The following MAZ variants were observed in gnomAD, a reference collection of about 807,000 sequenced individuals.
MAZ encodes myc-associated zinc finger protein.
In MAZ, 4 loss-of-function variants were observed where a neutral mutation model predicts 32.7. The ratio of observed to expected loss-of-function variants is 0.12; its 90% confidence interval spans 0.06 to 0.28. The LOEUF is 0.28. MAZ is among the 10% of genes least tolerant of loss of function. The probability of loss-of-function intolerance (pLI) is 1.00; values close to 1 mark genes in which losing one functional copy is unlikely to be tolerated. For synonymous variants in MAZ, 510 were observed against 297.6 expected (o/e 1.71, Z -7.35); for missense variants, 763 against 667.2 (o/e 1.14, Z -1.58).
intron 4 of MAZ, chr16:29,809,177 G>A (rs1446376568): frequency 4.1e-6 from 2 of 493,196 alleles, no homozygotes; most frequent in Non-Finnish European, 7.2e-6. Flanking sequence ...AGACTCACCG[G>A]TTAACTGGGT....
rs981714014 is a variant in MAZ, at chr16:29,810,324, C to T, written c.*93C>T. The T allele has an allele frequency of 8.4e-5, 108 of 1,278,922 alleles. No homozygotes were observed. The highest frequency in any genetic ancestry group is 1.1e-4 in the Non-Finnish European group (97 of 905,566). 79.2% of individuals were successfully genotyped at this position (1,278,922 alleles called of 1,614,324 possible). On this transcript the variant is annotated 3_prime_UTR_variant, in exon 5 of 5. Coordinates refer to ENST00000322945, the MANE Select transcript of MAZ (RefSeq NM_002383.4). ...CCTCTTTTCCCACCAACTCCTATTT[C>T]CCTACCAACCAAGGAGCCTCCAGAA...
chr16:29,808,463 C>G (rs1596874307), intron 3 of MAZ, 107 bp from the exon 4 acceptor site: 6 of 1,004,108 alleles, frequency 6.0e-6, no homozygotes, highest in East Asian at 2.6e-5. Context: ...TCCTACAGAT[C>G]AAAGATCCCC....
intron 4 of MAZ, 73 bp downstream of exon 4, chr16:29,808,814 C>CG: frequency 6.7e-7 from 1 of 1,503,188 alleles, no homozygotes; most frequent in Non-Finnish European, 9.1e-7. Context: ...GCCACGGATA[C>CG]GGGTTAAGGG....
rs374081609 is a variant in MAZ at position 29,808,601 on chromosome 16, G to A, written c.1139G>A (p.Arg380Gln). The A allele has an allele frequency of 6.2e-7, 1 of 1,612,504 alleles. No homozygotes were observed. The highest frequency in any genetic ancestry group is 8.5e-7 in the Non-Finnish European group (1 of 1,179,776). ...GAGGCAGCTTTCGCCACGAAGGATC[G>A]GCTGCGGGCGCACACAGTACGACAC... ...KCEAAFATKD[R>Q]LRAHTVRHEE... Residue 380 changes from arginine to glutamine, a missense_variant, in exon 4 of 5, where the codon CGG (arginine) becomes CAG (glutamine). Arg to Gln is a conservative substitution (Grantham distance 43). Transcript: ENST00000322945.
At chr16:29,809,915 ACTG>A in intron 4 of MAZ, 159 bp from the exon 5 acceptor site, 1 of 1,251,348 alleles carries the variant, frequency 8.0e-7, no homozygotes. Flanking sequence ...ATCCTTGAGA[ACTG>A]CTCTGTCTGG....
At chr16:29,808,496 C>G (rs138758146) in intron 3 of MAZ, 74 bp from the exon 4 acceptor site, 57 of 1,098,008 alleles carry the variant, frequency 5.2e-5, no homozygotes, top group Non-Finnish European at 7.0e-5. Context: ...CCTTTAATCT[C>G]TTGCTCCCCC....
chr16:29,807,084 C>A lies in MAZ; in HGVS notation c.299C>A (p.Ala100Glu). The A allele has an allele frequency of 9.9e-7, 1 of 1,011,012 alleles. No individual in the cohort carries two copies. The highest frequency in any genetic ancestry group is 1.2e-6 in the Non-Finnish European group (1 of 846,212). The allele number at this position is 1,011,012 out of a possible 1,614,324, so 62.6% of individuals were successfully genotyped here. Reference sequence around the variant, plus strand: ...GCCCAGGAGTCCGCCGCGGCTGCTGCGGCCGCTGCCGCCGCTGCTGCCGCC... The same window carrying A: ...GCCCAGGAGTCCGCCGCGGCTGCTGAGGCCGCTGCCGCCGCTGCTGCCGCC... Reference protein sequence around the residue: ...AAAQESAAAAAAAAAAAAAVA... With the variant: ...AAAQESAAAAEAAAAAAAAVA... Residue 100 changes from alanine to glutamate, a missense_variant, in exon 2 of 5, where the codon GCG (alanine) becomes GAG (glutamate). Physicochemically the swap from Ala to Glu is moderately radical, Grantham distance 107. Coordinates refer to ENST00000322945, the MANE Select transcript of MAZ (RefSeq NM_002383.4).
intron 4 of MAZ, chr16:29,809,156 T>G (rs141903405): frequency 7.6e-5 from 37 of 489,672 alleles, no homozygotes; most frequent in African/African-American, 6.5e-4. Context: ...CAGAGAAAGC[T>G]GCCTTCAGTC....
rs371096840 is a variant in MAZ, at chr16:29,807,781, T to C, written c.996T>C (p.Ala332=). 214 of 1,611,750 alleles carry C rather than the reference T, an allele frequency of 1.3e-4. No individual in the cohort carries two copies. Among genetic ancestry groups the C allele is most frequent in the Non-Finnish European group, 1.7e-4 (200 of 1,179,946 alleles). Residue 332 remains alanine, a synonymous_variant, in exon 2 of 5, where the codon GCT becomes GCC. Coordinates refer to ENST00000322945, the MANE Select transcript of MAZ (RefSeq NM_002383.4). ...ACCACGTGCGCTCACATGACGGCGC[T>C]GTGCACAAGCCCTACAACTGCTCCC... ...MSYHVRSHDG[A]VHKPYNCSHC...
At position 29,806,632 on chromosome 16, in the gene MAZ, AGCCCGG is replaced by A. The variant is rs1214415811; in HGVS notation, c.-65_-60del. ...CCGGCCGGCCGGGGGCGGCGCCCCG[AGCCCGG>A]GCCCCGCGCGGCCCGCGCCCCCGGC... On this transcript the variant is annotated 5_prime_UTR_variant, in exon 1 of 5. Coordinates refer to ENST00000322945, the MANE Select transcript of MAZ (RefSeq NM_002383.4). 1.0e-6 allele frequency: 1 copy of A among 959,306 alleles called. No homozygotes were observed. Among genetic ancestry groups the A allele is most frequent in the African/African-American group, 1.9e-5 (1 of 52,814 alleles). 59.4% of individuals were successfully genotyped at this position (959,306 alleles called of 1,614,324 possible). A position where few individuals can be genotyped will look rare whatever the true frequency, so the allele number is the denominator to read the frequency against.
chr16:29,809,138 A>C, intron 4 of MAZ: 1 of 500,296 alleles, frequency 2.0e-6, no homozygotes, highest in South Asian at 2.9e-5. Context: ...CGCACCCTGC[A>C]CGGGTAGCAG....
In MAZ at chr16:29,810,864, G is replaced by C. The variant is rs1348326971; in HGVS notation, c.*633G>C. 1.8e-5 allele frequency: 6 copies of C among 341,724 alleles called. No homozygotes were observed. Among genetic ancestry groups the C allele is most frequent in the East Asian group, 8.5e-5 (1 of 11,758 alleles). The allele number at this position is 341,724 out of a possible 1,614,324, so 21.2% of individuals were successfully genotyped here. A position where few individuals can be genotyped will look rare whatever the true frequency, so the allele number is the denominator to read the frequency against. ...CTGTCAGGGGAAAAAGTCAAGGGGAGCAGGAGGAAGAGCCAGGAGGGCCAG... is the reference window on the plus strand; with the variant it reads ...CTGTCAGGGGAAAAAGTCAAGGGGACCAGGAGGAAGAGCCAGGAGGGCCAG... On this transcript the variant is annotated 3_prime_UTR_variant, in exon 5 of 5. Coordinates refer to ENST00000322945, the MANE Select transcript of MAZ (RefSeq NM_002383.4).
chr16:29,810,636 C>T lies in MAZ; in HGVS notation c.*405C>T, dbSNP rs902824870. ...TCTCCCCCTGCTGTCTGCAGCCCCT[C>T]CCCGGGGAGTTGGTGCTTTCTTTTC... On this transcript the variant is annotated 3_prime_UTR_variant, in exon 5 of 5. Coordinates refer to ENST00000322945, the MANE Select transcript of MAZ (RefSeq NM_002383.4). 12 of 614,402 alleles carry T rather than the reference C, an allele frequency of 2.0e-5. No homozygotes were observed. The highest frequency in any genetic ancestry group is 2.5e-4 in the Middle Eastern group (1 of 3,970). 38.1% of individuals were successfully genotyped at this position (614,402 alleles called of 1,614,324 possible).
rs761632809 is a variant in MAZ at position 29,810,241 on chromosome 16, TG to T, written c.*12del. 8 of 1,579,136 alleles carry T rather than the reference TG, an allele frequency of 5.1e-6. No individual in the cohort carries two copies. In the African/African-American group the frequency reaches 1.1e-4, roughly 21 times the overall value. The stretch of plus-strand genomic sequence containing the variant: ...CTCCCAACCCTGGTGAGCTCCAAGT[TG>T]GTTGCGGGGGAGAGGGGAGAATGGA... On this transcript the variant is annotated 3_prime_UTR_variant, in exon 5 of 5. Coordinates refer to ENST00000322945, the MANE Select transcript of MAZ (RefSeq NM_002383.4).
Position 29,808,658 on chromosome 16 carries a change from A to C in MAZ, c.1196A>C (p.Lys399Thr). 6.2e-7 allele frequency: 1 copy of C among 1,613,998 alleles called. No homozygotes were observed. Among genetic ancestry groups the C allele is most frequent in the Non-Finnish European group, 8.5e-7 (1 of 1,180,008 alleles). ...EEKVPCHVCGKMLSSAYISDH... is the reference protein window; with the variant it reads ...EEKVPCHVCGTMLSSAYISDH... ...AAAGTGCCATGTCACGTGTGTGGCAAGATGCTGAGCTCGGCTTATATTTCG... is the reference window on the plus strand; with the variant it reads ...AAAGTGCCATGTCACGTGTGTGGCACGATGCTGAGCTCGGCTTATATTTCG... The change falls in exon 4 of 5, where the codon AAG becomes ACG. Residue 399 changes from lysine to threonine, a missense_variant. Transcript: ENST00000322945.
Position 29,807,468 on chromosome 16 carries a change from C to G in MAZ, c.683C>G (p.Pro228Arg). The part of the protein sequence containing the change: ...GRVPSGAMKM[P>R]TMVPLSLLSV... ...GTCCCCTCGGGTGCTATGAAGATGC[C>G]GACCATGGTGCCCCTGAGCCTCCTG... The change falls in exon 2 of 5, where the codon CCG becomes CGG. Residue 228 changes from proline (P) to arginine (R), a missense_variant. Pro to Arg is a moderately radical substitution (Grantham distance 103). Coordinates refer to ENST00000322945, the MANE Select transcript of MAZ (RefSeq NM_002383.4). The G allele has an allele frequency of 1.2e-6, 2 of 1,612,374 alleles. No homozygotes were observed. The highest frequency in any genetic ancestry group is 1.7e-6 in the Non-Finnish European group (2 of 1,179,736).
intron 4 of MAZ, 153 bp from the exon 5 acceptor site, chr16:29,809,924 T>C (rs1899818674): frequency 7.7e-7 from 1 of 1,306,834 alleles, no homozygotes; most frequent in African/African-American, 1.5e-5. Context: ...AACTGCTCTG[T>C]CTGGGTGAGG....
At chr16:29,808,014 G>A in intron 2 of MAZ, 186 bp downstream of exon 2, 2 of 1,217,612 alleles carry the variant, frequency 1.6e-6, no homozygotes, top group East Asian at 2.6e-5. Flanking sequence ...TGTCGAGGAG[G>A]TGGGCCTTGG....
rs748660362 is a variant in MAZ, at chr16:29,808,704, C to T, written c.1242C>T (p.Ser414=). 8.1e-6 allele frequency: 13 copies of T among 1,613,944 alleles called. No homozygotes were observed. Among genetic ancestry groups the T allele is most frequent in the South Asian group, 5.5e-5 (5 of 91,068 alleles). Residue 414 remains serine (S), a synonymous_variant, in exon 4 of 5, where the codon AGC becomes AGT. Coordinates refer to ENST00000322945, the MANE Select transcript of MAZ (RefSeq NM_002383.4). ...AYISDHMKVH[S]QGPHHVCELC... ...TTTCGGACCACATGAAGGTGCACAG[C>T]CAGGGTCCTCACCATGTCTGTGAGC...
Sources: gnomAD v4.1 joint callset for allele counts on GRCh38, gnomAD v4.1.1 for gene constraint, MANE v1.5 for transcripts, NCBI Gene and HGNC (gene_info 2026-07-23, HGNC 2026-07-21) for gene names.